CLN8: variants seen among roughly 807,000 people sequenced by gnomAD.
CLN8 encodes the protein CLN8 transmembrane ER and ERGIC protein, also known as protein CLN8.
In CLN8, 14 loss-of-function variants were observed where a neutral mutation model predicts 15.7. That is an observed-to-expected ratio of 0.89 (90% CI 0.59 to 1.39). The LOEUF (loss-of-function observed/expected upper bound fraction) is 1.39. CLN8 is among the 40% of genes most tolerant of loss of function. The pLI is 0.00. For missense variants in CLN8, 415 were observed against 364.0 expected, an observed-to-expected ratio of 1.14 and a Z score of -1.14; for synonymous variants, 188 against 151.0, an observed-to-expected ratio of 1.25 and a Z score of -1.80.
chr8:1,785,093 T>C lies in CLN8; in HGVS notation c.*4526T>C, dbSNP rs1801796606. The C allele has an allele frequency of 6.5e-6, 1 of 155,032 alleles. No homozygotes were observed. Among genetic ancestry groups the C allele is most frequent in the South Asian group, 1.9e-4 (1 of 5,260 alleles). The allele number at this position is 155,032 out of a possible 1,614,324, so 9.6% of individuals were successfully genotyped here. ...AAGTGTTTGACCAGGTCAGAACTCT[T>C]GTTCTATGCGAATGTGCTCACGCAG... On this transcript the variant is annotated 3_prime_UTR_variant, in exon 3 of 3. Transcript: ENST00000331222.
At chr8:1,753,671 G>C (rs536002553), upstream of CLN8, among the ~76,000 whole-genome samples, 3 of 151,562 alleles carry the variant, frequency 2.0e-5, no homozygotes, top group African/African-American at 7.3e-5. Flanking sequence ...AGATCATGAG[G>C]TCAGGAGATC....
chr8:1,764,916 T>C (rs1429875530), intron 1 of CLN8, among the ~76,000 whole-genome samples: 1 of 152,244 alleles, frequency 6.6e-6, no homozygotes, highest in East Asian at 1.9e-4. Flanking sequence ...TCTGCTTACC[T>C]CACTCCCGTA....
intron 1 of CLN8, among the ~76,000 whole-genome samples, chr8:1,770,047 A>G (rs921048550): frequency 2.6e-5 from 4 of 152,230 alleles, no homozygotes; most frequent in African/African-American, 9.6e-5. Flanking sequence ...ACTTTGTTAC[A>G]GCACTGAACT....
upstream of CLN8, chr8:1,759,471 G>T: frequency 6.6e-6 from 1 of 152,332 alleles, no homozygotes; most frequent in Non-Finnish European, 1.5e-5. Flanking sequence ...GGTAGGATTC[G>T]TGCCACAGGC....
At chr8:1,760,642 A>C (rs1346357329), upstream of CLN8, among the ~76,000 whole-genome samples, 1 of 152,164 alleles carries the variant, frequency 6.6e-6, no homozygotes, top group Non-Finnish European at 1.5e-5. Flanking sequence ...TCTAAGCCTC[A>C]CTTCATTCTT....
At chr8:1,764,048 G>C (rs965626493) in intron 1 of CLN8, 163 bp downstream of exon 1, 1 of 151,994 alleles carries the variant, frequency 6.6e-6, no homozygotes, top group Non-Finnish European at 1.5e-5. Context: ...CCGGGTGAGG[G>C]GACCGGGGAT....
At position 1,780,605 on chromosome 8, in the gene CLN8, G is replaced by C; in HGVS notation, c.*38G>C. On this transcript the variant is annotated 3_prime_UTR_variant, in exon 3 of 3. Transcript: ENST00000331222. ...GGGCTCCGGGGCGGCAGCAGAGCTG[G>C]CACACCGATTCTGGGAAGCCCCGCG... 1 of 1,598,900 alleles carries C rather than the reference G, an allele frequency of 6.3e-7. No homozygotes were observed. The highest frequency in any genetic ancestry group is 8.6e-7 in the Non-Finnish European group (1 of 1,168,304).
intron 1 of CLN8, among the ~76,000 whole-genome samples, chr8:1,766,633 C>T (rs1335899152): frequency 1.3e-5 from 2 of 151,988 alleles, no homozygotes; most frequent in Non-Finnish European, 2.9e-5. Flanking sequence ...CCTCGTGATC[C>T]TCCCACCTTG....
chr8:1,755,232 G>A (rs981991560), upstream of CLN8, among the ~76,000 whole-genome samples: 2 of 152,212 alleles, frequency 1.3e-5, no homozygotes, highest in Non-Finnish European at 2.9e-5. Flanking sequence ...ACCTGACATA[G>A]ACTAACAGAT....
At chr8:1,756,095 T>C (rs1800663187) in intron 1 of CLN8, 1 of 152,242 alleles carries the variant, frequency 6.6e-6, no homozygotes, top group African/African-American at 2.4e-5. Context: ...AAGTTTTCAT[T>C]GTTTGGTGTT....
At chr8:1,759,568 T>A (rs1388858626), upstream of CLN8, 1 of 152,204 alleles carries the variant, frequency 6.6e-6, no homozygotes, top group Non-Finnish European at 1.5e-5. Context: ...CCAGCAGGAT[T>A]CTTTTGGACG....
chr8:1,772,322 A>G (rs903543250), intron 2 of CLN8, among the ~76,000 whole-genome samples: 2 of 152,332 alleles, frequency 1.3e-5, no homozygotes, highest in African/African-American at 2.4e-5. Flanking sequence ...AGGTTGTTGT[A>G]CTAGTGCTCA....
chr8:1,775,735 G>A (rs1200122986), intron 2 of CLN8, among the ~76,000 whole-genome samples: 1 of 152,198 alleles, frequency 6.6e-6, no homozygotes, highest in Non-Finnish European at 1.5e-5. Context: ...ATCACTGTGT[G>A]GGGCCTTCCA....
chr8:1,772,879 C>T, intron 2 of CLN8: 1 of 398,492 alleles, frequency 2.5e-6, no homozygotes, highest in Non-Finnish European at 4.4e-6. Flanking sequence ...AATGTTCAGC[C>T]ATTCACACAA....
At chr8:1,779,590 C>T (rs1003173884) in intron 2 of CLN8, among the ~76,000 whole-genome samples, 2 of 152,192 alleles carry the variant, frequency 1.3e-5, no homozygotes, top group Non-Finnish European at 2.9e-5. Context: ...TTAGTCAGCT[C>T]AGGCTGCCAC....
At chr8:1,779,585 C>G (rs1278629721) in intron 2 of CLN8, among the ~76,000 whole-genome samples, 4 of 152,202 alleles carry the variant, frequency 2.6e-5, no homozygotes, top group Non-Finnish European at 5.9e-5. Context: ...CTGTATTAGT[C>G]AGCTCAGGCT....
intron 1 of CLN8, chr8:1,764,558 G>C (rs988065369): frequency 6.5e-6 from 1 of 152,812 alleles, no homozygotes; most frequent in Non-Finnish European, 1.5e-5. Flanking sequence ...AGCTGGGGCG[G>C]AAGGGGACAA....
At chr8:1,763,381 C>T (rs1261291959), upstream of CLN8, 1 of 98,106 alleles carries the variant, frequency 1.0e-5, no homozygotes, top group African/African-American at 3.7e-5. Flanking sequence ...CGCCGCCCCA[C>T]AGCGCCCGCC....
At chr8:1,772,205 G>A (rs1453042420) in intron 2 of CLN8, among the ~76,000 whole-genome samples, 2 of 152,016 alleles carry the variant, frequency 1.3e-5, no homozygotes, top group Non-Finnish European at 2.9e-5. Flanking sequence ...CAAAGTGCTG[G>A]AATTACAAAT....
Sources: gnomAD v4.1 joint callset for allele counts (sites outside exome capture counted in the v4.1 genomes callset) on GRCh38, gnomAD v4.1.1 for gene constraint, MANE v1.5 for transcripts, NCBI Gene and HGNC (gene_info 2026-07-23, HGNC 2026-07-21) for gene names.